Variants in WNK1 observed in about 807,000 individuals in gnomAD.
WNK1 encodes the protein WNK lysine deficient protein kinase 1.
In WNK1, 38 loss-of-function variants were observed where a neutral mutation model predicts 222.8. The observed-to-expected ratio is 0.17, with a 90% CI of 0.13 to 0.22. The LOEUF (loss-of-function observed/expected upper bound fraction) is 0.22. Ranked by LOEUF, WNK1 falls within the 10% of genes least tolerant of loss-of-function variation. The pLI, the probability that WNK1 is intolerant of heterozygous loss-of-function variation, is 1.00. For synonymous variants in WNK1, 1,090 were observed against 1,092.9 expected (o/e 1.00, Z 0.05); for missense variants, 2,348 against 2,918.4 (o/e 0.80, Z 4.50).
intron 2 of WNK1, among the ~76,000 whole-genome samples, chr12:817,087 T>C (rs944556506): frequency 6.6e-6 from 1 of 152,118 alleles, no homozygotes; most frequent in East Asian, 1.9e-4. Context: ...CTGAATTGAA[T>C]TGACAGGAAT....
intron 8 of WNK1, chr12:868,811 G>A (rs747585318): frequency 3.7e-6 from 6 of 1,614,022 alleles, no homozygotes; most frequent in East Asian, 4.5e-5. Flanking sequence ...CCATGCCCCA[G>A]AATTGACCGT....
chr12:767,083 GTTC>G (rs980101913), intron 1 of WNK1, among the ~76,000 whole-genome samples: 1 of 151,594 alleles, frequency 6.6e-6, no homozygotes, highest in African/African-American at 2.4e-5. Context: ...GGCCCTAGAT[GTTC>G]TTTAGATTAA....
intron 2 of WNK1, among the ~76,000 whole-genome samples, chr12:825,173 A>T (rs549293190): frequency 6.6e-6 from 1 of 152,310 alleles, no homozygotes; most frequent in East Asian, 1.9e-4. Flanking sequence ...AAATGCCCTT[A>T]TGCCGCTTTC....
chr12:885,877 C>A lies in WNK1; in HGVS notation c.5073C>A (p.Gly1691=). The change falls in exon 19 of 28, where the codon GGC becomes GGA. Residue 1691 remains glycine (G), a synonymous_variant. Coordinates refer to ENST00000315939, the MANE Select transcript of WNK1 (RefSeq NM_018979.4). ...TCATAGAGAGCACTGTCACACCAGG[C>A]ATCCCAACTACTGCTGTTGCACCAA... is the stretch of plus-strand genomic sequence containing the variant. The part of the protein sequence containing the change: ...SLVIESTVTP[G]IPTTAVAPSK... 1 of 1,613,194 alleles carries A rather than the reference C, an allele frequency of 6.2e-7. No homozygotes were observed.
intron 4 of WNK1, 114 bp from the exon 5 acceptor site, chr12:857,047 A>G: frequency 9.1e-7 from 1 of 1,101,832 alleles, no homozygotes; most frequent in Non-Finnish European, 1.4e-6. Context: ...CAGGCGAGTC[A>G]GAAAAAAAGC....
chr12:844,375 A>G (rs1391908715), intron 4 of WNK1, among the ~76,000 whole-genome samples: 5 of 152,078 alleles, frequency 3.3e-5, no homozygotes, highest in Non-Finnish European at 7.4e-5. Flanking sequence ...ACCTCTAGCA[A>G]TCCACCAGCC....
rs1014703458 is a variant in WNK1 at position 855,575 on chromosome 12, TATAG to T, written c.1312-1582_1312-1579del. On this transcript the variant is annotated intron_variant, in intron 4 of 27. Coordinates refer to ENST00000315939, the MANE Select transcript of WNK1 (RefSeq NM_018979.4). ...GTTTTACCATATCTGTCATTGACAC[TATAG>T]ATAATCAGAATTTATGTATATTTAA... Among the ~76,000 whole-genome samples, 27 of 152,344 alleles carry T rather than the reference TATAG, an allele frequency of 1.8e-4. 1 individual carries two copies. Among genetic ancestry groups the T allele is most frequent in the African/African-American group, 6.0e-4 (25 of 41,582 alleles).
intron 1 of WNK1, among the ~76,000 whole-genome samples, chr12:757,306 A>AT (rs1335181874): frequency 8.3e-6 from 1 of 120,688 alleles, no homozygotes; most frequent in Non-Finnish European, 1.8e-5. Context: ...ACAAGCATCA[A>AT]TTCTTTTTTT....
Position 889,537 on chromosome 12 carries a change from G to A in WNK1, c.5448+314G>A, listed in dbSNP as rs190498627. ...TTTTGTCAGATAAAATAATGTTTTG[G>A]GCTAGGTGCAGTGGCTCACGCCTGT... On this transcript the variant is annotated intron_variant, in intron 21 of 27. Transcript: ENST00000315939. Among the ~76,000 whole-genome samples, 42 of 152,240 alleles carry A rather than the reference G, an allele frequency of 2.8e-4. 1 individual carries two copies. Among genetic ancestry groups the A allele is most frequent in the Middle Eastern group, 3.4e-3 (1 of 294 alleles).
intron 4 of WNK1, among the ~76,000 whole-genome samples, chr12:836,111 C>A (rs996102343): frequency 2.6e-5 from 4 of 152,126 alleles, no homozygotes; most frequent in African/African-American, 9.7e-5. Flanking sequence ...CTAATACAAT[C>A]TGACTTTTTT....
intron 4 of WNK1, among the ~76,000 whole-genome samples, chr12:843,672 G>A (rs1340907409): frequency 6.6e-6 from 1 of 152,174 alleles, no homozygotes; most frequent in Non-Finnish European, 1.5e-5. Flanking sequence ...GGATATTGAG[G>A]ACCCTGAAGG....
chr12:875,476 A>G (rs1299252090), intron 9 of WNK1, among the ~76,000 whole-genome samples: 1 of 152,220 alleles, frequency 6.6e-6, no homozygotes, highest in Non-Finnish European at 1.5e-5. Flanking sequence ...ATCAGACAGA[A>G]TATTTTTAAG....
At chr12:862,023 CT>C in intron 7 of WNK1, 59 bp from the exon 8 acceptor site, 1 of 1,592,870 alleles carries the variant, frequency 6.3e-7, no homozygotes, top group Non-Finnish European at 8.6e-7. Context: ...AAATGTGAAC[CT>C]CCATTTTGTG....
intron 4 of WNK1, among the ~76,000 whole-genome samples, chr12:832,050 T>G (rs1948835945): frequency 6.6e-6 from 1 of 152,116 alleles, no homozygotes; most frequent in South Asian, 2.1e-4. Flanking sequence ...CTGAACAGAA[T>G]GGAAATGTTT....
At chr12:800,053 A>G (rs917180916) in intron 1 of WNK1, among the ~76,000 whole-genome samples, 15 of 152,128 alleles carry the variant, frequency 9.9e-5, no homozygotes, top group African/African-American at 3.1e-4. Flanking sequence ...CTGAGACGGT[A>G]GGATTGCTTG....
At chr12:768,888 C>T (rs760417122) in intron 1 of WNK1, among the ~76,000 whole-genome samples, 3 of 152,014 alleles carry the variant, frequency 2.0e-5, no homozygotes, top group African/African-American at 4.8e-5. Flanking sequence ...CAGCTCACTG[C>T]AACCTCCGCT....
intron 1 of WNK1, among the ~76,000 whole-genome samples, chr12:791,561 T>TA (rs11357307): frequency 5.5e-4 from 81 of 148,538 alleles, no homozygotes; most frequent in African/African-American, 5.2e-4. Context: ...GCTTCTTTTT[T>TA]AAAAAAAAAA....
chr12:884,570 T>C lies in WNK1; in HGVS notation c.3845-79T>C. The stretch of plus-strand genomic sequence containing the variant: ...ATCAAAAACAGATATTTATAGGAGC[T>C]GACTTAGGCTAGCAGACAATCTTTT... On this transcript the variant is annotated intron_variant, in intron 18 of 27. Transcript: ENST00000315939. This position sits in a 1 kb window ranked among gnomAD's most constrained non-coding sequence, Gnocchi z 5.6. 7 of 1,414,134 alleles carry C rather than the reference T, an allele frequency of 5.0e-6. No homozygotes were observed. The South Asian group carries it at 7.0e-5, about 14-fold the overall frequency. The allele number at this position is 1,414,134 out of a possible 1,614,324, so 87.6% of individuals were successfully genotyped here.
At position 911,301 on chromosome 12, in the gene WNK1, C is replaced by T. The variant is rs1305953158; in HGVS notation, c.*2509C>T. 2.5e-6 allele frequency: 1 copy of T among 398,444 alleles called. No homozygotes were observed. The highest frequency in any genetic ancestry group is 2.1e-5 in the African/African-American group (1 of 48,612). The allele number at this position is 398,444 out of a possible 1,614,324, so 24.7% of individuals were successfully genotyped here. A position where few individuals can be genotyped will look rare whatever the true frequency, so the allele number is the denominator to read the frequency against. On this transcript the variant is annotated 3_prime_UTR_variant, in exon 28 of 28. Coordinates refer to ENST00000315939, the MANE Select transcript of WNK1 (RefSeq NM_018979.4). ...TTAAAAATAAAAATAAAAATTCAAACTTTGGGGGTTTCTCAGCAGCCGTTA... is the reference window on the plus strand; with the variant it reads ...TTAAAAATAAAAATAAAAATTCAAATTTTGGGGGTTTCTCAGCAGCCGTTA...
Sources: allele counts gnomAD v4.1 joint callset (sites outside exome capture counted in the v4.1 genomes callset), GRCh38; gene constraint gnomAD v4.1.1; non-coding constraint Gnocchi (gnomAD v3.1); transcripts MANE v1.5; gene names NCBI Gene and HGNC (gene_info 2026-07-23, HGNC 2026-07-21).